The following ABHD14A variants were observed in gnomAD, a reference collection of about 807,000 sequenced individuals.
The protein encoded by ABHD14A is abhydrolase domain containing 14A, also known as protein ABHD14A.
A neutral mutation model predicts 27.0 loss-of-function variants in ABHD14A; 19 were observed. The ratio of observed to expected loss-of-function variants is 0.70; its 90% confidence interval spans 0.49 to 1.03. ABHD14A has a LOEUF of 1.03. Ranked by LOEUF, ABHD14A falls within the 50% of genes least tolerant of loss-of-function variation. ABHD14A has a pLI of 0.00. For missense variants in ABHD14A, 311 were observed against 344.6 expected (o/e 0.90, Z 0.77); for synonymous variants, 148 against 158.8 (o/e 0.93, Z 0.51).
intron 3 of ABHD14A, chr3:51,978,998 A>G (rs1421048756): frequency 1.9e-5 from 5 of 262,818 alleles, no homozygotes; most frequent in Middle Eastern, 2.5e-3. Flanking sequence ...ATGTCGAGTC[A>G]TAGAGGATTA....
chr3:51,980,398 G>A lies in ABHD14A; in HGVS notation c.403G>A (p.Gly135Arg). The A allele has an allele frequency of 6.2e-7, 1 of 1,613,908 alleles. No individual in the cohort carries two copies. The highest frequency in any genetic ancestry group is 8.5e-7 in the Non-Finnish European group (1 of 1,179,992). ...GTACCTGCTGCTGTTCCTAGGTTTT[G>A]GGAACTCGGCACCTTCAAAGGAGGC... The part of the protein sequence containing the change: ...RAVALDLPGF[G>R]NSAPSKEAST... Residue 135 changes from glycine to arginine, a missense_variant, in exon 4 of 5, where the codon GGG becomes AGG. Transcript: ENST00000273596.
chr3:51,975,285 G>A (rs1700762401), intron 1 of ABHD14A, 81 bp downstream of exon 1: 4 of 1,203,338 alleles, frequency 3.3e-6, no homozygotes, highest in Non-Finnish European at 4.2e-6. Context: ...CGGCGCCCCG[G>A]GGCAGAGTCC....
chr3:51,981,134 A>G lies in ABHD14A; in HGVS notation c.*116A>G. Reference sequence around the variant, plus strand: ...GAGGCCAGAGGCCAGGGTCAGACCCAGCCAGGACTCCTCATTTCATCTCAC... The same window carrying G: ...GAGGCCAGAGGCCAGGGTCAGACCCGGCCAGGACTCCTCATTTCATCTCAC... On this transcript the variant is annotated 3_prime_UTR_variant, in exon 5 of 5. Coordinates refer to ENST00000273596, the MANE Select transcript of ABHD14A (RefSeq NM_015407.5). 1.8e-6 allele frequency: 2 copies of G among 1,097,816 alleles called. No homozygotes were observed. The highest frequency in any genetic ancestry group is 2.6e-6 in the Non-Finnish European group (2 of 760,040). The allele number at this position is 1,097,816 out of a possible 1,614,324, so 68.0% of individuals were successfully genotyped here.
Position 51,977,856 on chromosome 3 carries a change from C to T in ABHD14A, c.70-15C>T. 4 of 1,603,572 alleles carry T rather than the reference C, an allele frequency of 2.5e-6. No homozygotes were observed. The highest frequency in any genetic ancestry group is 2.2e-5 in the East Asian group (1 of 44,620). On this transcript the variant is annotated splice_polypyrimidine_tract_variant and intron_variant, in intron 1 of 4. Coordinates refer to ENST00000273596, the MANE Select transcript of ABHD14A (RefSeq NM_015407.5). ...CTCAGTTCCAGCCTCTTTTCCCTCT[C>T]CTCTCCCTCTCCAGACTGTGGTACA...
In ABHD14A at chr3:51,981,103, G is replaced by GCCTCC; in HGVS notation, c.*85_*86insCCTCC. On this transcript the variant is annotated 3_prime_UTR_variant, in exon 5 of 5. Transcript: ENST00000273596. The stretch of plus-strand genomic sequence containing the variant: ...CCCTGAACCAGGGAGACAGCCTCTG[G>GCCTCC]GATTGGAGGCCAGAGGCCAGGGTCA... 1 of 1,490,214 alleles carries GCCTCC rather than the reference G, an allele frequency of 6.7e-7. No individual in the cohort carries two copies. The highest frequency in any genetic ancestry group is 9.2e-7 in the Non-Finnish European group (1 of 1,091,790). The allele number at this position is 1,490,214 out of a possible 1,614,324, so 92.3% of individuals were successfully genotyped here. A position where few individuals can be genotyped will look rare whatever the true frequency, so the allele number is the denominator to read the frequency against.
At position 51,978,352 on chromosome 3, in the gene ABHD14A, G is replaced by A; in HGVS notation, c.375G>A (p.Arg125=). 1 of 1,551,582 alleles carries A rather than the reference G, an allele frequency of 6.4e-7. No individual in the cohort carries two copies. The highest frequency in any genetic ancestry group is 8.7e-7 in the Non-Finnish European group (1 of 1,146,900). The change falls in exon 3 of 5, where the codon CGG becomes CGA. Residue 125 remains arginine (R), a synonymous_variant. Coordinates refer to ENST00000273596, the MANE Select transcript of ABHD14A (RefSeq NM_015407.5). ...AGCTACTGTCACAGAGGGGCTACCG[G>A]GCCGTGGCCCTTGACCTTCCAGGTG... ...TLQLLSQRGY[R]AVALDLPGFG...
rs367769476 is a variant in ABHD14A, at chr3:51,978,053, C to T, written c.252C>T (p.Arg84=). 3.5e-5 allele frequency: 57 copies of T among 1,613,842 alleles called. No individual in the cohort carries two copies. Among genetic ancestry groups the T allele is most frequent in the South Asian group, 5.5e-5 (5 of 91,074 alleles). ...LTPGNSPIFY[R]EVLPLNQAHR... is the part of the protein sequence containing the mutation. ...CTGGCAACTCGCCCATCTTTTACCGCGAGGTGCTCCCACTCAACCAGGCAC... is the reference window on the plus strand; with the variant it reads ...CTGGCAACTCGCCCATCTTTTACCGTGAGGTGCTCCCACTCAACCAGGCAC... Residue 84 remains arginine (R), a synonymous_variant, in exon 2 of 5, where the codon CGC becomes CGT. Coordinates refer to ENST00000273596, the MANE Select transcript of ABHD14A (RefSeq NM_015407.5).
chr3:51,978,408 T>G, intron 3 of ABHD14A, 34 bp downstream of exon 3: 2 of 1,523,092 alleles, frequency 1.3e-6, no homozygotes, highest in Non-Finnish European at 1.8e-6. Flanking sequence ...TAGGGAAGCC[T>G]TAAGTGTGGC....
chr3:51,978,199 A>G, intron 2 of ABHD14A, 60 bp from the exon 3 acceptor site: 2 of 1,531,716 alleles, frequency 1.3e-6, no homozygotes, highest in Non-Finnish European at 8.8e-7. Flanking sequence ...GAAGCCTAGG[A>G]ATAAAGAAAG....
intron 1 of ABHD14A, 134 bp downstream of exon 1, chr3:51,975,338 C>G: frequency 1.2e-6 from 1 of 840,652 alleles, no homozygotes; most frequent in Non-Finnish European, 1.6e-6. Flanking sequence ...TGCATGTGCG[C>G]GCGTGTAATG....
In ABHD14A at chr3:51,978,405, G is replaced by C; in HGVS notation, c.397+31G>C. On this transcript the variant is annotated intron_variant, in intron 3 of 4. Coordinates refer to ENST00000273596, the MANE Select transcript of ABHD14A (RefSeq NM_015407.5). ...CACCCCCACCCCTTTGTCTAGGGAAGCCTTAAGTGTGGCTGGGAGGCAACT... is the reference window on the plus strand; with the variant it reads ...CACCCCCACCCCTTTGTCTAGGGAACCCTTAAGTGTGGCTGGGAGGCAACT... 2 of 1,528,812 alleles carry C rather than the reference G, an allele frequency of 1.3e-6. 1 individual carries two copies. Among genetic ancestry groups the C allele is most frequent in the South Asian group, 2.4e-5 (2 of 83,358 alleles). The allele number at this position is 1,528,812 out of a possible 1,614,324, so 94.7% of individuals were successfully genotyped here.
chr3:51,980,871 C>T lies in ABHD14A; in HGVS notation c.669C>T (p.His223=). The change falls in exon 5 of 5, where the codon CAC becomes CAT. Residue 223 remains histidine (H), a synonymous_variant. Transcript: ENST00000273596. ...PTLILYGELD[H]ILARESLRQL... is the part of the protein sequence containing the mutation. Reference sequence around the variant, plus strand: ...TTATCCTGTATGGAGAGCTGGACCACATCCTGGCTCGAGAGTCACTGCGGC... The same window carrying T: ...TTATCCTGTATGGAGAGCTGGACCATATCCTGGCTCGAGAGTCACTGCGGC... The T allele has an allele frequency of 6.2e-7, 1 of 1,614,142 alleles. No individual in the cohort carries two copies. The highest frequency in any genetic ancestry group is 8.5e-7 in the Non-Finnish European group (1 of 1,180,022).
In ABHD14A at chr3:51,975,181, C is replaced by T. The variant is rs750200492; in HGVS notation, c.46C>T (p.Arg16Cys). Residue 16 changes from arginine (R) to cysteine (C), a missense_variant, in exon 1 of 5, where the codon CGC (arginine) becomes TGC (cysteine). Coordinates refer to ENST00000273596, the MANE Select transcript of ABHD14A (RefSeq NM_015407.5). ...CGCWFRLGGA[R>C]PLIPLGPTVV... ...CTGCTGGTTCCGCCTGGGCGGGGCC[C>T]GCCCGCTCATCCCGTTGGGCCCGGT... 40 of 1,276,276 alleles carry T rather than the reference C, an allele frequency of 3.1e-5. No individual in the cohort carries two copies. The highest frequency in any genetic ancestry group is 4.0e-6 in the Non-Finnish European group (4 of 1,010,918). The allele number at this position is 1,276,276 out of a possible 1,614,324, so 79.1% of individuals were successfully genotyped here. A position where few individuals can be genotyped will look rare whatever the true frequency, so the allele number is the denominator to read the frequency against.
rs373076381 is a variant in ABHD14A at position 51,980,629 on chromosome 3, G to C, written c.633+1G>C. 2 of 1,612,174 alleles carry C rather than the reference G, an allele frequency of 1.2e-6. No individual in the cohort carries two copies. The highest frequency in any genetic ancestry group is 4.5e-5 in the East Asian group (2 of 44,850). On this transcript the variant is annotated splice_donor_variant, in intron 4 of 4. Transcript: ENST00000273596. LOFTEE classifies it high-confidence loss of function. ...CCAGGAGCAATTCTGGGCTGTGAAG[G>C]TACTGGGAGAAGGATCTCAAAGGTC...
In ABHD14A at chr3:51,980,440, C is replaced by T. The variant is rs773242958; in HGVS notation, c.445C>T (p.Arg149Trp). The change falls in exon 4 of 5, where the codon CGG (arginine) becomes TGG (tryptophan). Residue 149 changes from arginine (R) to tryptophan (W), a missense_variant. Coordinates refer to ENST00000273596, the MANE Select transcript of ABHD14A (RefSeq NM_015407.5). ...PSKEASTEAGRAALLERALRD... is the reference protein window; with the variant it reads ...PSKEASTEAGWAALLERALRD... The stretch of plus-strand genomic sequence containing the variant: ...AAAGGAGGCAAGCACAGAGGCAGGG[C>T]GGGCAGCGCTGCTGGAGCGGGCGCT... 3.0e-5 allele frequency: 48 copies of T among 1,613,350 alleles called. No homozygotes were observed. The East Asian group carries it at 3.3e-4, about 11-fold the overall frequency.
rs1421544852 is a variant in ABHD14A, at chr3:51,975,156, C to T, written c.21C>T (p.Gly7=). 11 of 1,287,164 alleles carry T rather than the reference C, an allele frequency of 8.5e-6. No homozygotes were observed. The highest frequency in any genetic ancestry group is 4.0e-5 in the Admixed American group (1 of 24,868). 79.7% of individuals were successfully genotyped at this position (1,287,164 alleles called of 1,614,324 possible). ...CAGCCATGGTCGGGGCGCTGTGCGGCTGCTGGTTCCGCCTGGGCGGGGCCC... is the reference window on the plus strand; with the variant it reads ...CAGCCATGGTCGGGGCGCTGTGCGGTTGCTGGTTCCGCCTGGGCGGGGCCC... MVGALC[G]CWFRLGGARP... Residue 7 remains glycine (G), a synonymous_variant, in exon 1 of 5, where the codon GGC becomes GGT. Coordinates refer to ENST00000273596, the MANE Select transcript of ABHD14A (RefSeq NM_015407.5).
intron 1 of ABHD14A, among the ~76,000 whole-genome samples, chr3:51,977,308 C>T (rs1700807358): frequency 6.6e-6 from 1 of 152,196 alleles, no homozygotes; most frequent in South Asian, 2.1e-4. Context: ...ACTTTTTCCA[C>T]CTGCAAGGCT....
At chr3:51,975,472 C>G (rs1577714103) in intron 1 of ABHD14A, among the ~76,000 whole-genome samples, 1 of 148,008 alleles carries the variant, frequency 6.8e-6, no homozygotes, top group African/African-American at 2.5e-5. Context: ...GGGGTGTGTT[C>G]GTTGATGTCT....
chr3:51,978,130 GTC>G, intron 2 of ABHD14A, 48 bp downstream of exon 2: 1 of 1,578,380 alleles, frequency 6.3e-7, no homozygotes, highest in South Asian at 1.1e-5. Context: ...CTCAAGGGGA[GTC>G]CCTGTGTGGG....
Sources: gnomAD v4.1 joint callset for allele counts (sites outside exome capture counted in the v4.1 genomes callset) on GRCh38, gnomAD v4.1.1 for gene constraint, MANE v1.5 for transcripts, NCBI Gene and HGNC (gene_info 2026-07-23, HGNC 2026-07-21) for gene names.